Variants in ASTN1 observed in about 807,000 individuals in gnomAD.
ASTN1 encodes the protein astrotactin-1.
In ASTN1, 41 loss-of-function variants were observed where a neutral mutation model predicts 140.7. The observed-to-expected ratio is 0.29, with a 90% CI of 0.23 to 0.38. The LOEUF (loss-of-function observed/expected upper bound fraction) is 0.38, where lower values mean the gene tolerates loss of function less well. Among genes scored for constraint, ASTN1 ranks in the 10% least tolerant of loss-of-function variants. ASTN1 has a pLI of 1.00. For missense variants in ASTN1, 1,479 were observed against 1,678.8 expected, an observed-to-expected ratio of 0.88 and a Z score of 2.08; for synonymous variants, 640 against 652.2, an observed-to-expected ratio of 0.98 and a Z score of 0.29.
intron 1 of ASTN1, among the ~76,000 whole-genome samples, chr1:177,130,612 T>C (rs559453610): frequency 1.3e-5 from 2 of 152,308 alleles, no homozygotes; most frequent in African/African-American, 4.8e-5. Context: ...TAATCTGGTT[T>C]TCTGCACCCA....
intron 1 of ASTN1, among the ~76,000 whole-genome samples, chr1:177,133,157 C>T (rs1002436196): frequency 6.6e-6 from 1 of 152,156 alleles, no homozygotes; most frequent in African/African-American, 2.4e-5. Flanking sequence ...AAAGATGCCT[C>T]TAAGCATTGA....
chr1:177,119,144 G>A (rs112234261), intron 1 of ASTN1, among the ~76,000 whole-genome samples: 2,600 of 152,102 alleles, frequency 0.017, 67 homozygotes, highest in African/African-American at 0.059. Flanking sequence ...TCATGGCATG[G>A]TAACTTTTTG....
At chr1:177,155,932 A>G (rs1683216000) in intron 1 of ASTN1, among the ~76,000 whole-genome samples, 1 of 152,158 alleles carries the variant, frequency 6.6e-6, no homozygotes, top group African/African-American at 2.4e-5. Flanking sequence ...AACAACAAGC[A>G]CACTTAGTTC....
chr1:176,929,609 A>T (rs1671117390), intron 16 of ASTN1, among the ~76,000 whole-genome samples: 1 of 152,248 alleles, frequency 6.6e-6, no homozygotes, highest in South Asian at 2.1e-4. Context: ...TACAGCAGCC[A>T]CAGAAAACTA....
intron 8 of ASTN1, among the ~76,000 whole-genome samples, chr1:177,011,404 A>C (rs1177377871): frequency 6.6e-6 from 1 of 152,186 alleles, no homozygotes; most frequent in Non-Finnish European, 1.5e-5. Flanking sequence ...GTTCTTCCAG[A>C]GCAGGAACCC....
chr1:176,961,265 C>T (rs148434322), intron 9 of ASTN1, among the ~76,000 whole-genome samples: 44 of 152,218 alleles, frequency 2.9e-4, no homozygotes, highest in African/African-American at 9.1e-4. Context: ...TGGGTTTAAA[C>T]GGATTTAAAG....
At chr1:176,915,143 A>G (rs905810390) in intron 16 of ASTN1, among the ~76,000 whole-genome samples, 1 of 152,210 alleles carries the variant, frequency 6.6e-6, no homozygotes, top group African/African-American at 2.4e-5. Context: ...GTCAAAAATA[A>G]TTTGAACATA....
chr1:176,879,286 C>T (rs1668690673), intron 20 of ASTN1, among the ~76,000 whole-genome samples: 2 of 152,142 alleles, frequency 1.3e-5, no homozygotes, highest in Non-Finnish European at 1.5e-5. Flanking sequence ...TCTGGCCCTG[C>T]TCTGCCTGTT....
At chr1:176,981,809 TCAG>T (rs1673633728) in intron 8 of ASTN1, 2 of 152,630 alleles carry the variant, frequency 1.3e-5, no homozygotes, top group Non-Finnish European at 2.9e-5. Flanking sequence ...ACTAAGAGTT[TCAG>T]TCGTTTTAAT....
At chr1:176,895,996 C>A (rs572059546) in intron 16 of ASTN1, among the ~76,000 whole-genome samples, 3 of 152,244 alleles carry the variant, frequency 2.0e-5, no homozygotes, top group African/African-American at 7.2e-5. Flanking sequence ...ATGGGCTGGA[C>A]CTTTGGAGGC....
chr1:177,096,722 G>A (rs1252942675), intron 1 of ASTN1, among the ~76,000 whole-genome samples: 6 of 152,090 alleles, frequency 3.9e-5, no homozygotes, highest in East Asian at 1.9e-4. Flanking sequence ...CATGTAAGAC[G>A]TGCCTTTACT....
intron 16 of ASTN1, among the ~76,000 whole-genome samples, chr1:176,896,978 T>C (rs995903597): frequency 2.0e-5 from 3 of 152,044 alleles, no homozygotes; most frequent in Non-Finnish European, 4.4e-5. Context: ...CTCTACTTCA[T>C]TAAGAAAGTA....
In ASTN1 at chr1:177,034,693, A is replaced by AT. The variant is rs201351796; in HGVS notation, c.472-1845dup. On this transcript the variant is annotated intron_variant, in intron 2 of 22. Coordinates refer to ENST00000361833, the MANE Select transcript of ASTN1 (RefSeq NM_004319.3). Reference sequence around the variant, plus strand: ...AGCGAGTATTTGTGTCCAACCTGACATTTTTTTTTAGCAGAACCTGTATCT... The same window carrying AT: ...AGCGAGTATTTGTGTCCAACCTGACATTTTTTTTTTAGCAGAACCTGTATCT... Among the ~76,000 whole-genome samples the AT allele has an allele frequency of 3.8e-3, 572 of 151,290 alleles. 4 individuals are homozygous for AT. The highest frequency in any genetic ancestry group is 9.4e-3 in the African/African-American group (386 of 41,230).
intron 1 of ASTN1, among the ~76,000 whole-genome samples, chr1:177,140,838 A>G (rs1484734992): frequency 6.6e-6 from 1 of 152,164 alleles, no homozygotes; most frequent in Non-Finnish European, 1.5e-5. Flanking sequence ...AGACTGAAGG[A>G]TGTATTTTTT....
intron 8 of ASTN1, among the ~76,000 whole-genome samples, chr1:176,994,429 A>G (rs547939399): frequency 6.6e-6 from 1 of 152,044 alleles, no homozygotes; most frequent in East Asian, 1.9e-4. Context: ...GCTCACTGCA[A>G]CCTCGCCAGG....
chr1:177,032,439 C>A lies in ASTN1; in HGVS notation c.865+17G>T, dbSNP rs1411004884. ...GATGAAGGACCAAACAGCCCCTTGC[C>A]TTTCTCCCATCCCCACCTGGTGTGA... On this transcript the variant is annotated intron_variant, in intron 3 of 22. Coordinates refer to ENST00000361833, the MANE Select transcript of ASTN1 (RefSeq NM_004319.3). The A allele has an allele frequency of 6.2e-7, 1 of 1,608,296 alleles. No individual in the cohort carries two copies. Among genetic ancestry groups the A allele is most frequent in the Non-Finnish European group, 8.5e-7 (1 of 1,176,918 alleles).
intron 16 of ASTN1, among the ~76,000 whole-genome samples, chr1:176,904,794 T>C (rs1669915644): frequency 6.6e-6 from 1 of 152,152 alleles, no homozygotes; most frequent in African/African-American, 2.4e-5. Context: ...ACACGGCAAC[T>C]GTGGCAGAGC....
rs911409165 is a variant in ASTN1 at position 176,862,356 on chromosome 1, T to A, written c.*1928A>T. On this transcript the variant is annotated 3_prime_UTR_variant, in exon 23 of 23. Transcript: ENST00000361833. ...CAGGCTTCCTTCCCAGTCATGAGGG[T>A]GGGGAGGAGGGCCATGTGCAGTGGA... 1 of 985,100 alleles carries A rather than the reference T, an allele frequency of 1.0e-6. No homozygotes were observed. The highest frequency in any genetic ancestry group is 1.7e-5 in the African/African-American group (1 of 57,162). 61.0% of individuals were successfully genotyped at this position (985,100 alleles called of 1,614,324 possible).
rs145046078 is a variant in ASTN1 at position 177,074,963 on chromosome 1, A to C, written c.284-13698T>G. Reference sequence around the variant, plus strand: ...AGTTTCTAACTGGCACCATTTTCTCATATCTTGTGGGATCTCTTATTGGTA... The same window carrying C: ...AGTTTCTAACTGGCACCATTTTCTCCTATCTTGTGGGATCTCTTATTGGTA... On this transcript the variant is annotated intron_variant, in intron 1 of 22. Transcript: ENST00000361833. Among the ~76,000 whole-genome samples, 277 of 152,296 alleles carry C rather than the reference A, an allele frequency of 1.8e-3. 1 individual carries two copies. The highest frequency in any genetic ancestry group is 6.4e-3 in the African/African-American group (267 of 41,554).
Sources: gnomAD v4.1 joint callset for allele counts (sites outside exome capture counted in the v4.1 genomes callset) on GRCh38, gnomAD v4.1.1 for gene constraint, MANE v1.5 for transcripts, NCBI Gene and HGNC (gene_info 2026-07-23, HGNC 2026-07-21) for gene names.